CLYBL: variants seen among roughly 807,000 people sequenced by gnomAD.
CLYBL encodes the protein citramalyl-CoA lyase.
In CLYBL, 31 loss-of-function variants were observed where a neutral mutation model predicts 38.9. That is an observed-to-expected ratio of 0.80 (90% CI 0.60 to 1.08). CLYBL has a LOEUF of 1.08. Among genes scored for constraint, CLYBL ranks in the 50% least tolerant of loss-of-function variants. CLYBL has a pLI of 0.00. For synonymous variants in CLYBL, 171 were observed against 158.6 expected (o/e 1.08, Z -0.59); for missense variants, 434 against 411.6 (o/e 1.05, Z -0.47).
chr13:99,890,078 T>C (rs1195991802), intron 7 of CLYBL, among the ~76,000 whole-genome samples: 1 of 152,170 alleles, frequency 6.6e-6, no homozygotes, highest in Non-Finnish European at 1.5e-5. Flanking sequence ...TAACCAGACA[T>C]TAACTTTGGG....
rs984786431 is a variant in CLYBL, at chr13:99,869,487, G to A, written c.803-1451G>A. On this transcript the variant is annotated intron_variant, in intron 6 of 8. Coordinates refer to ENST00000339105, the MANE Select transcript of CLYBL (RefSeq NM_206808.5). This position sits in a 1 kb window ranked among gnomAD's most constrained non-coding sequence, Gnocchi z 4.3. The stretch of plus-strand genomic sequence containing the variant: ...CCTCTTGTCATCCCTCATGTTATTC[G>A]TTCCCAGAAATTATTCCTCAGGTAA... 6.6e-6 allele frequency among the ~76,000 whole-genome samples: 1 copy of A among 151,922 alleles called. No homozygotes were observed. Among genetic ancestry groups the A allele is most frequent in the Non-Finnish European group, 1.5e-5 (1 of 67,942 alleles).
At chr13:99,671,560 A>T (rs1424119363) in intron 1 of CLYBL, among the ~76,000 whole-genome samples, 1 of 152,124 alleles carries the variant, frequency 6.6e-6, no homozygotes, top group Admixed American at 6.6e-5. Context: ...TGGGCAGATC[A>T]CTTGAGGTCA....
rs1397021109 is a variant in CLYBL, at chr13:99,748,311, C to G, written c.63-24513C>G. 2.0e-5 allele frequency among the ~76,000 whole-genome samples: 3 copies of G among 151,264 alleles called. No individual in the cohort carries two copies. In the East Asian group the frequency reaches 5.9e-4, roughly 30 times the overall value. On this transcript the variant is annotated intron_variant, in intron 1 of 8. Transcript: ENST00000339105. ...GGGAGAATCTCTTGAACCTGAGAGG[C>G]AGAGGTTGCAGTGAGCCAAGATTGT...
chr13:99,884,502 C>T lies in CLYBL; in HGVS notation c.928-6816C>T, dbSNP rs559953660. On this transcript the variant is annotated intron_variant, in intron 7 of 8. Coordinates refer to ENST00000339105, the MANE Select transcript of CLYBL (RefSeq NM_206808.5). ...GATGCCCCACCTGATCAGGTTAGGTCCCCTATCAGTTACTCTTCAACTCCC... is the reference window on the plus strand; with the variant it reads ...GATGCCCCACCTGATCAGGTTAGGTTCCCTATCAGTTACTCTTCAACTCCC... 8.5e-5 allele frequency among the ~76,000 whole-genome samples: 13 copies of T among 152,282 alleles called. No individual in the cohort carries two copies. In the South Asian group the frequency reaches 2.5e-3, roughly 29 times the overall value.
chr13:99,638,416 T>TACACAC (rs970032232), intron 1 of CLYBL, among the ~76,000 whole-genome samples: 2 of 152,328 alleles, frequency 1.3e-5, no homozygotes, highest in Non-Finnish European at 2.9e-5. Flanking sequence ...TACATAGACA[T>TACACAC]ACACACACAC....
chr13:99,746,666 A>G (rs181844131), intron 1 of CLYBL, among the ~76,000 whole-genome samples: 122 of 152,276 alleles, frequency 8.0e-4, no homozygotes, highest in African/African-American at 2.7e-3. Context: ...ATTATTAATG[A>G]TCTCTACAGA....
At chr13:99,682,431 C>T (rs1399957891) in intron 1 of CLYBL, among the ~76,000 whole-genome samples, 4 of 151,982 alleles carry the variant, frequency 2.6e-5, no homozygotes, top group African/African-American at 4.8e-5. Context: ...AGTGAGCCAC[C>T]GCGCCCAGCC....
intron 2 of CLYBL, among the ~76,000 whole-genome samples, chr13:99,817,040 T>C (rs907293921): frequency 6.6e-6 from 1 of 152,176 alleles, no homozygotes; most frequent in African/African-American, 2.4e-5. Context: ...TATGTAGGCT[T>C]TCACTCCTTC....
intron 2 of CLYBL, among the ~76,000 whole-genome samples, chr13:99,816,039 C>T (rs1043837429): frequency 1.3e-5 from 2 of 152,166 alleles, no homozygotes; most frequent in East Asian, 1.9e-4. Context: ...TAATTATATT[C>T]GCAATGACTA....
At chr13:99,783,818 C>A (rs1265958055) in intron 2 of CLYBL, 1 of 152,106 alleles carries the variant, frequency 6.6e-6, no homozygotes, top group African/African-American at 2.4e-5. Flanking sequence ...CCCTCATCAA[C>A]AATCATGGAT....
At chr13:99,642,194 G>A (rs944781416) in intron 1 of CLYBL, among the ~76,000 whole-genome samples, 6 of 152,148 alleles carry the variant, frequency 3.9e-5, no homozygotes, top group Non-Finnish European at 7.4e-5. Context: ...TCTCATTGCA[G>A]GGGGCGGTGG....
intron 1 of CLYBL, among the ~76,000 whole-genome samples, chr13:99,716,306 G>A (rs1337908368): frequency 4.8e-5 from 7 of 146,192 alleles, no homozygotes; most frequent in Admixed American, 6.9e-5. Flanking sequence ...CACCATGCCC[G>A]GCAGACGTCA....
chr13:99,800,903 AAAAC>A lies in CLYBL; in HGVS notation c.249+27897_249+27900del, dbSNP rs1365739205. Among the ~76,000 whole-genome samples, 15 of 133,366 alleles carry A rather than the reference AAAAC, an allele frequency of 1.1e-4. No individual in the cohort carries two copies. The East Asian group carries it at 3.1e-3, about 28-fold the overall frequency. The allele number at this position is 133,366 out of a possible 152,430, so 87.5% of individuals were successfully genotyped here. A position where few individuals can be genotyped will look rare whatever the true frequency, so the allele number is the denominator to read the frequency against. On this transcript the variant is annotated intron_variant, in intron 2 of 8. Transcript: ENST00000339105. Reference sequence around the variant, plus strand: ...TAAAAAACAACAACAACAAAAAAAAAAAACAAAAAAAAAAAAACGTAATTGGGTT... The same window carrying A: ...TAAAAAACAACAACAACAAAAAAAAAAAAAAAAAAAAAACGTAATTGGGTT...
At chr13:99,825,322 T>C (rs2050674475) in intron 2 of CLYBL, among the ~76,000 whole-genome samples, 1 of 152,138 alleles carries the variant, frequency 6.6e-6, no homozygotes, top group Non-Finnish European at 1.5e-5. Flanking sequence ...AAAATGGGAA[T>C]AATATCAGCT....
At chr13:99,607,413 A>G (rs2046544773) in intron 1 of CLYBL, among the ~76,000 whole-genome samples, 1 of 152,212 alleles carries the variant, frequency 6.6e-6, no homozygotes, top group African/African-American at 2.4e-5. Flanking sequence ...GAAATATTTG[A>G]AAGAAATTCT....
intron 1 of CLYBL, among the ~76,000 whole-genome samples, chr13:99,680,813 C>G (rs1479060110): frequency 6.6e-6 from 1 of 152,194 alleles, no homozygotes; most frequent in Non-Finnish European, 1.5e-5. Flanking sequence ...TTAGGACAGA[C>G]CACTGGGTTT....
At chr13:99,871,566 G>T (rs2051899704) in intron 7 of CLYBL, among the ~76,000 whole-genome samples, 1 of 152,156 alleles carries the variant, frequency 6.6e-6, no homozygotes, top group Non-Finnish European at 1.5e-5. Context: ...CTGGACCTGA[G>T]ATTTGGATGG....
chr13:99,884,406 C>T (rs576388647), intron 7 of CLYBL, among the ~76,000 whole-genome samples: 65 of 152,268 alleles, frequency 4.3e-4, no homozygotes, highest in African/African-American at 1.5e-3. Context: ...TTCCTTCCCT[C>T]CTCCTGACCC....
chr13:99,825,050 G>A (rs1004057716), intron 2 of CLYBL, among the ~76,000 whole-genome samples: 1 of 152,182 alleles, frequency 6.6e-6, no homozygotes, highest in Non-Finnish European at 1.5e-5. Flanking sequence ...CCGTCTGTGG[G>A]TATGCCACCT....
Sources: allele counts gnomAD v4.1 joint callset (sites outside exome capture counted in the v4.1 genomes callset), GRCh38; gene constraint gnomAD v4.1.1; non-coding constraint Gnocchi (gnomAD v3.1); transcripts MANE v1.5; gene names NCBI Gene and HGNC (gene_info 2026-07-23, HGNC 2026-07-21).